Variants in IQSEC1 observed in about 807,000 individuals in gnomAD.
IQSEC1 encodes IQ motif and Sec7 domain ArfGEF 1.
A neutral mutation model predicts 91.0 loss-of-function variants in IQSEC1; 31 were observed. That is an observed-to-expected ratio of 0.34 (90% CI 0.26 to 0.46). The LOEUF is 0.46. IQSEC1 is among the 20% of genes least tolerant of loss of function. The pLI is 1.00. For missense variants in IQSEC1, 1,388 were observed against 1,575.6 expected, an observed-to-expected ratio of 0.88 and a Z score of 2.02; for synonymous variants, 699 against 662.6, an observed-to-expected ratio of 1.05 and a Z score of -0.84.
intron 2 of IQSEC1, among the ~76,000 whole-genome samples, chr3:13,102,872 A>T (rs953188955): frequency 6.6e-6 from 1 of 152,210 alleles, no homozygotes; most frequent in Non-Finnish European, 1.5e-5. Context: ...CACGGCCCAC[A>T]TATTACTGCA....
At chr3:13,111,408 G>C (rs796146011) in intron 2 of IQSEC1, among the ~76,000 whole-genome samples, 2 of 152,180 alleles carry the variant, frequency 1.3e-5, no homozygotes, top group Non-Finnish European at 2.9e-5. Context: ...TGATGGGGCC[G>C]AGGCTGCAGC....
intron 1 of IQSEC1, among the ~76,000 whole-genome samples, chr3:13,034,463 C>T (rs892277): frequency 0.34 from 51,359 of 152,144 alleles, 9,592 homozygotes; most frequent in East Asian, 0.59. Context: ...CGTTTCCCGC[C>T]TCTTGCCACC....
At chr3:13,076,729 A>G (rs1380415210), upstream of IQSEC1, among the ~76,000 whole-genome samples, 1 of 152,194 alleles carries the variant, frequency 6.6e-6, no homozygotes, top group Non-Finnish European at 1.5e-5. Flanking sequence ...CACAGTCTTC[A>G]AGTCTGGGGA....
intron 2 of IQSEC1, among the ~76,000 whole-genome samples, chr3:13,120,139 G>A (rs1706400247): frequency 6.6e-6 from 1 of 152,212 alleles, no homozygotes; most frequent in Admixed American, 6.5e-5. Flanking sequence ...CTCCCGGGGA[G>A]GAGGCTGCAC....
rs1695356035 is a variant in IQSEC1, at chr3:12,909,475, A to C, written c.2417-41T>G. ...AGAGGGGAGGAGGCCCACGGGTCTC[A>C]GTGTGTTCTCTGCAATCTCCTCTCT... is the stretch of plus-strand genomic sequence containing the variant. On this transcript the variant is annotated intron_variant, in intron 10 of 13. Transcript: ENST00000613206. This position sits in a 1 kb window ranked among gnomAD's most constrained non-coding sequence, Gnocchi z 4.9. The C allele has an allele frequency of 6.3e-7, 1 of 1,584,206 alleles. No homozygotes were observed. The highest frequency in any genetic ancestry group is 8.6e-7 in the Non-Finnish European group (1 of 1,158,086).
intron 1 of IQSEC1, among the ~76,000 whole-genome samples, chr3:13,033,237 G>A (rs1025241675): frequency 7.9e-5 from 12 of 152,092 alleles, no homozygotes; most frequent in Non-Finnish European, 1.5e-5. Flanking sequence ...GTCTCCTGAC[G>A]AGCCCGAGGA....
intron 1 of IQSEC1, among the ~76,000 whole-genome samples, chr3:13,024,667 C>G (rs953641279): frequency 1.3e-5 from 2 of 151,494 alleles, no homozygotes; most frequent in African/African-American, 4.9e-5. Flanking sequence ...CCCATCCGTC[C>G]ATCCATCCAC....
intron 1 of IQSEC1, among the ~76,000 whole-genome samples, chr3:13,064,943 C>T (rs548930051): frequency 2.6e-5 from 4 of 152,208 alleles, no homozygotes; most frequent in African/African-American, 4.8e-5. Flanking sequence ...GGACGGAGAG[C>T]CAGCTAAGGT....
At chr3:13,096,011 C>T (rs1331486465) in intron 2 of IQSEC1, among the ~76,000 whole-genome samples, 1 of 152,214 alleles carries the variant, frequency 6.6e-6, no homozygotes, top group Non-Finnish European at 1.5e-5. Context: ...GGCTTCAATC[C>T]TGGCTCCTGC....
At chr3:13,027,177 A>G (rs1419903289) in intron 1 of IQSEC1, among the ~76,000 whole-genome samples, 1 of 152,168 alleles carries the variant, frequency 6.6e-6, no homozygotes, top group Non-Finnish European at 1.5e-5. Context: ...CCAAATGGAA[A>G]AATGAAAGTC....
At chr3:13,221,180 G>A (rs1042275802) in intron 1 of IQSEC1, among the ~76,000 whole-genome samples, 1 of 152,160 alleles carries the variant, frequency 6.6e-6, no homozygotes, top group Non-Finnish European at 1.5e-5. Context: ...CTGCCCCTGA[G>A]GCCACTATTC....
Position 13,239,468 on chromosome 3 carries a change from A to G in IQSEC1, c.272+43243T>C, listed in dbSNP as rs189920583. On this transcript the variant is annotated intron_variant, in intron 1 of 15. Coordinates refer to the IQSEC1 transcript ENST00000648114. ...CAGGCATCAGAGCCGCGGACACAGG[A>G]GACAGAAAGACCCTCGTGTTCTGGG... Among the ~76,000 whole-genome samples the G allele has an allele frequency of 7.9e-5, 12 of 152,346 alleles. No individual in the cohort carries two copies. The East Asian group carries it at 1.7e-3, about 22-fold the overall frequency.
intron 1 of IQSEC1, among the ~76,000 whole-genome samples, chr3:13,187,535 C>T (rs1338401886): frequency 6.6e-6 from 1 of 152,138 alleles, no homozygotes; most frequent in Non-Finnish European, 1.5e-5. Flanking sequence ...TCCCTCTCTC[C>T]CACTGGTATG....
At chr3:12,915,016 G>A in intron 8 of IQSEC1, 88 bp downstream of exon 8, 1 of 1,370,518 alleles carries the variant, frequency 7.3e-7, no homozygotes, top group Admixed American at 2.0e-5. Context: ...TTGGGCTCTG[G>A]GAGCCTGGGG....
Position 12,967,779 on chromosome 3 carries a change from C to CTGCG in IQSEC1, c.24-25915_24-25914insCGCA. The CTGCG allele has an allele frequency of 2.4e-6, 2 of 833,390 alleles. No homozygotes were observed. Among genetic ancestry groups the CTGCG allele is most frequent in the Non-Finnish European group, 2.9e-6 (2 of 685,002 alleles). 51.6% of individuals were successfully genotyped at this position (833,390 alleles called of 1,614,324 possible). On this transcript the variant is annotated intron_variant, in intron 1 of 13. Coordinates refer to ENST00000613206, the MANE Select transcript of IQSEC1 (RefSeq NM_001134382.3). The surrounding 1 kb of genome is among the most constrained non-coding windows in gnomAD (Gnocchi z 5.9). ...GCCGGAGGGCGAGCTGGGGGCGGGG[C>CTGCG]CGGAGGGCGAGCTGGGGGCGGGGCT...
rs775882374 is a variant in IQSEC1 at position 12,901,026 on chromosome 3, G to A, written c.3302C>T (p.Thr1101Ile). Residue 1101 changes from threonine (T) to isoleucine (I), a missense_variant, in exon 14 of 14, where the codon ACC becomes ATC. Around this residue, in one of 2 missense-constraint regions of IQSEC1, gnomAD observed 329 missense variants for 257.8 expected, o/e 1.28. Transcript: ENST00000613206. The stretch of plus-strand genomic sequence containing the variant: ...GCCGCTGGGTTTGGCCTTGCTGCTG[G>A]TGGGGGGCGGCGGGGCAGGGGGCTG... ...HGQPPAPPPP[T>I]SSKAKPSGIS... is the part of the protein sequence containing the mutation. 29 of 1,544,526 alleles carry A rather than the reference G, an allele frequency of 1.9e-5. No homozygotes were observed. Among genetic ancestry groups the A allele is most frequent in the Non-Finnish European group, 2.3e-5 (26 of 1,146,748 alleles).
At chr3:13,054,473 T>C (rs1349194474) in intron 1 of IQSEC1, among the ~76,000 whole-genome samples, 1 of 152,244 alleles carries the variant, frequency 6.6e-6, no homozygotes, top group Non-Finnish European at 1.5e-5. Context: ...CAGCCATTGG[T>C]GTCCACAGCC....
chr3:13,202,266 C>T (rs1694258436), intron 1 of IQSEC1, among the ~76,000 whole-genome samples: 1 of 152,170 alleles, frequency 6.6e-6, no homozygotes. Context: ...AAATTAAGCA[C>T]AGAATTAATG....
chr3:13,279,473 G>A (rs1695749825), intron 1 of IQSEC1, among the ~76,000 whole-genome samples: 1 of 152,220 alleles, frequency 6.6e-6, no homozygotes, highest in African/African-American at 2.4e-5. Flanking sequence ...AGCACTCTCT[G>A]AGAAAGGCTT....
Sources: allele counts gnomAD v4.1 joint callset (sites outside exome capture counted in the v4.1 genomes callset), GRCh38; gene constraint gnomAD v4.1.1; regional missense constraint gnomAD v4.1.1; non-coding constraint Gnocchi (gnomAD v3.1); transcripts MANE v1.5; gene names NCBI Gene and HGNC (gene_info 2026-07-23, HGNC 2026-07-21).